EPC1: variants seen among roughly 807,000 people sequenced by gnomAD.
The protein encoded by EPC1 is enhancer of polycomb 1.
In EPC1, 12 loss-of-function variants were observed where a neutral mutation model predicts 98.4. The observed-to-expected ratio is 0.12, with a 90% confidence interval of 0.08 to 0.20. EPC1 has a LOEUF of 0.20. Ranked by LOEUF, EPC1 falls within the 10% of genes least tolerant of loss-of-function variation. The pLI is 1.00. For missense variants in EPC1, 729 were observed against 990.5 expected (o/e 0.74, Z 3.54); for synonymous variants, 357 against 363.9 (o/e 0.98, Z 0.21).
intron 2 of EPC1, among the ~76,000 whole-genome samples, chr10:32,305,504 T>G (rs1399541066): frequency 6.6e-6 from 1 of 151,408 alleles, no homozygotes; most frequent in South Asian, 2.1e-4. Context: ...TATCTGAGTT[T>G]TTTTTTTTTT....
chr10:32,293,256 C>A, intron 3 of EPC1, 62 bp from the exon 4 acceptor site: 1 of 1,266,036 alleles, frequency 7.9e-7, no homozygotes, highest in Admixed American at 2.2e-5. Context: ...TAAGTATTTA[C>A]TTCTAAATTT....
Position 32,284,790 on chromosome 10 carries a change from C to T in EPC1, c.1652G>A (p.Arg551Lys), listed in dbSNP as rs1420732497. Residue 551 changes from arginine (R) to lysine (K), a missense_variant, in exon 10 of 14, where the codon AGG becomes AAG. By Grantham distance (26) the Arg-to-Lys change is conservative (BLOSUM62 2). Transcript: ENST00000319778. ...NDELSCRKLY[R>K]SINRTGTAQP... ...TGCTGTTCCTGTTCGGTTTATACTC[C>T]TATATAATTTTCTACAGGAGAGTTC... 3.1e-6 allele frequency: 5 copies of T among 1,614,050 alleles called. No individual in the cohort carries two copies. The Admixed American group carries it at 8.3e-5, about 27-fold the overall frequency.
intron 1 of EPC1, among the ~76,000 whole-genome samples, chr10:32,340,876 CCTT>C (rs1838297272): frequency 6.6e-6 from 1 of 151,908 alleles, no homozygotes; most frequent in African/African-American, 2.4e-5. Context: ...CATTTGAATC[CCTT>C]GTCTTCTCAT....
In EPC1 at chr10:32,273,423, C is replaced by T. The variant is rs1375587640; in HGVS notation, c.1745-142G>A. 5.3e-5 allele frequency: 57 copies of T among 1,084,440 alleles called. No homozygotes were observed. In the East Asian group the frequency reaches 1.6e-3, roughly 30 times the overall value. 67.2% of individuals were successfully genotyped at this position (1,084,440 alleles called of 1,614,324 possible). On this transcript the variant is annotated intron_variant, in intron 10 of 13. Transcript: ENST00000319778. ...ATCATGATCCTGCTAAAGATCACTT[C>T]CAAATGAAAATTTCTGCGTTTCTGC... is the stretch of plus-strand genomic sequence containing the variant.
chr10:32,307,385 A>C (rs1835937090), intron 1 of EPC1, among the ~76,000 whole-genome samples: 1 of 152,244 alleles, frequency 6.6e-6, no homozygotes, highest in Non-Finnish European at 1.5e-5. Context: ...CATATTCCTC[A>C]TTCCTTAAGT....
intron 1 of EPC1, among the ~76,000 whole-genome samples, chr10:32,337,493 G>A (rs1007952751): frequency 3.3e-5 from 5 of 152,076 alleles, no homozygotes; most frequent in Non-Finnish European, 7.4e-5. Context: ...AGTCACTTAG[G>A]CCTCCCCACA....
chr10:32,296,955 A>G (rs1228343984), intron 2 of EPC1, among the ~76,000 whole-genome samples: 1 of 152,076 alleles, frequency 6.6e-6, no homozygotes, highest in Non-Finnish European at 1.5e-5. Flanking sequence ...TCTTGTTCAT[A>G]TATAGAATAC....
chr10:32,348,064 CAA>C (rs1165008691), upstream of EPC1, among the ~76,000 whole-genome samples: 1 of 152,224 alleles, frequency 6.6e-6, no homozygotes. Flanking sequence ...ATTCTGTACT[CAA>C]AGAGACTGCG....
rs1838839264 is a variant in EPC1 at position 32,346,618 on chromosome 10, C to A, written c.153+145G>T. The stretch of plus-strand genomic sequence containing the variant: ...GGCCGGGGGTCGAGGCTGGGGGAGG[C>A]GGGGTATAGGCCCGGCCGGCGACTG... On this transcript the variant is annotated intron_variant, in intron 1 of 13. Transcript: ENST00000319778. The A allele has an allele frequency of 5.0e-6, 4 of 798,294 alleles. No homozygotes were observed. The South Asian group carries it at 5.3e-5, about 10-fold the overall frequency. 49.5% of individuals were successfully genotyped at this position (798,294 alleles called of 1,614,324 possible).
intron 6 of EPC1, among the ~76,000 whole-genome samples, chr10:32,288,623 T>C (rs914057318): frequency 2.0e-5 from 3 of 152,074 alleles, no homozygotes; most frequent in Non-Finnish European, 2.9e-5. Flanking sequence ...AGTGTTGGGA[T>C]TATAGGCATG....
intron 1 of EPC1, among the ~76,000 whole-genome samples, chr10:32,371,293 A>G (rs570077407): frequency 9.2e-5 from 14 of 152,262 alleles, no homozygotes; most frequent in African/African-American, 3.1e-4. Context: ...CAGTGGCCTG[A>G]GTTTCAGAGC....
In EPC1 at chr10:32,272,166, C is replaced by A. The variant is rs1835880973; in HGVS notation, c.1865G>T (p.Gly622Val). The A allele has an allele frequency of 6.2e-7, 1 of 1,601,140 alleles. No individual in the cohort carries two copies. The highest frequency in any genetic ancestry group is 1.4e-5 in the African/African-American group (1 of 74,028). Residue 622 changes from glycine to valine, a missense_variant and splice_region_variant, in exon 12 of 14, where the codon GGT (glycine) becomes GTT (valine). Physicochemically the swap from Gly to Val is moderately radical, Grantham distance 109. This residue lies in a region of EPC1 where 390 missense variants were observed against 438.6 expected (regional missense o/e 0.89). Coordinates refer to ENST00000319778, the MANE Select transcript of EPC1 (RefSeq NM_001272004.3). ...NSNSSTNTSQ[G>V]FVSKTLDSAS... ...AGAATCCAAAGTCTTAGAAACAAAA[C>A]CCTAAAAAGAAAATACAAAAGAAAT...
At chr10:32,321,963 C>G (rs897262757) in intron 1 of EPC1, among the ~76,000 whole-genome samples, 1 of 151,240 alleles carries the variant, frequency 6.6e-6, no homozygotes, top group Non-Finnish European at 1.5e-5. Context: ...TACAACCAGT[C>G]CACCTAAGGA....
At chr10:32,310,059 G>A (rs1454788790) in intron 1 of EPC1, among the ~76,000 whole-genome samples, 3 of 152,054 alleles carry the variant, frequency 2.0e-5, no homozygotes, top group Admixed American at 6.6e-5. Flanking sequence ...GCCAGGTGTC[G>A]TAGTGCACAC....
intron 11 of EPC1, 161 bp from the exon 12 acceptor site, chr10:32,272,328 T>C: frequency 1.7e-6 from 1 of 582,018 alleles, no homozygotes; most frequent in South Asian, 2.7e-5. Flanking sequence ...TAATTATATC[T>C]CTTTTGATAG....
chr10:32,293,232 A>C (rs1419502020), intron 3 of EPC1, 38 bp from the exon 4 acceptor site: 1 of 1,437,926 alleles, frequency 7.0e-7, no homozygotes, highest in South Asian at 1.2e-5. Flanking sequence ...CATACAATAC[A>C]CATACAAGGT....
intron 9 of EPC1, 40 bp from the exon 10 acceptor site, chr10:32,285,090 C>T (rs764222867): frequency 2.7e-6 from 4 of 1,504,022 alleles, no homozygotes; most frequent in Non-Finnish European, 3.6e-6. Flanking sequence ...TTTAAAATAG[C>T]TATTCAAAGA....
chr10:32,341,501 T>C (rs762109797), intron 1 of EPC1, among the ~76,000 whole-genome samples: 1 of 152,210 alleles, frequency 6.6e-6, no homozygotes, highest in African/African-American at 2.4e-5. Flanking sequence ...TTCTCTCGTT[T>C]ACAAAATTTA....
intron 1 of EPC1, chr10:32,345,663 C>T: frequency 5.1e-6 from 5 of 980,862 alleles, no homozygotes; most frequent in Non-Finnish European, 6.1e-6. Flanking sequence ...TCCTGGTGTC[C>T]GAACCCAACT....
Sources: gnomAD v4.1 joint callset for allele counts (sites outside exome capture counted in the v4.1 genomes callset) on GRCh38, gnomAD v4.1.1 for gene constraint, gnomAD v4.1.1 regional missense constraint, MANE v1.5 for transcripts, NCBI Gene and HGNC (gene_info 2026-07-23, HGNC 2026-07-21) for gene names.